ABR: variants seen among roughly 807,000 people sequenced by gnomAD.
ABR encodes the protein ABR activator of RhoGEF and GTPase, also known as active breakpoint cluster region-related protein.
A neutral mutation model predicts 107.2 loss-of-function variants in ABR; 35 were observed. The ratio of observed to expected loss-of-function variants is 0.33; its 90% CI spans 0.25 to 0.43. The LOEUF is 0.43. ABR is among the 20% of genes least tolerant of loss of function. ABR has a pLI of 1.00. For missense variants in ABR, 815 were observed against 1,115.2 expected (o/e 0.73, Z 3.83); for synonymous variants, 498 against 462.0 (o/e 1.08, Z -1.00).
At chr17:1,046,808 C>G (rs1018841673) in intron 16 of ABR, among the ~76,000 whole-genome samples, 6 of 152,168 alleles carry the variant, frequency 3.9e-5, no homozygotes, top group Non-Finnish European at 7.3e-5. Context: ...CCTCAGTACC[C>G]CAGTGTCCTC....
In ABR at chr17:1,010,114, T is replaced by G; in HGVS notation, c.2237-330A>C. ...GTCTGTGTGGCTAAGGTTAAGCCAG[T>G]AGGGACATATCCTGCCAGCGGTGGA... On this transcript the variant is annotated intron_variant, in intron 20 of 22. Coordinates refer to ENST00000302538, the MANE Select transcript of ABR (RefSeq NM_021962.5). This position sits in a 1 kb window ranked among gnomAD's most constrained non-coding sequence, Gnocchi z 4.1. 1 of 395,000 alleles carries G rather than the reference T, an allele frequency of 2.5e-6. No homozygotes were observed. The highest frequency in any genetic ancestry group is 4.7e-6 in the Non-Finnish European group (1 of 212,826). 24.5% of individuals were successfully genotyped at this position (395,000 alleles called of 1,614,324 possible).
intron 16 of ABR, among the ~76,000 whole-genome samples, chr17:1,016,491 T>C (rs1253312176): frequency 3.3e-5 from 5 of 151,894 alleles, no homozygotes; most frequent in African/African-American, 9.7e-5. Flanking sequence ...TAATTTTTTA[T>C]TTGTAGTGGA....
chr17:1,039,002 A>G (rs943356579), intron 16 of ABR, among the ~76,000 whole-genome samples: 1 of 152,146 alleles, frequency 6.6e-6, no homozygotes, highest in Admixed American at 6.5e-5. Context: ...CGGACCCGAG[A>G]GGACACTCTC....
intron 2 of ABR, chr17:1,108,863 C>T (rs1332018382): frequency 2.0e-6 from 3 of 1,480,320 alleles, no homozygotes; most frequent in Non-Finnish European, 2.7e-6. Context: ...CCGCATCAGC[C>T]ATTTCTCCCG....
chr17:1,083,440 C>A, intron 5 of ABR, 80 bp downstream of exon 5: 2 of 982,992 alleles, frequency 2.0e-6, no homozygotes, highest in Non-Finnish European at 3.1e-6. Context: ...GACTGGCAAG[C>A]GAGGGAGGGG....
At chr17:1,076,992 C>T (rs1175058479) in intron 6 of ABR, among the ~76,000 whole-genome samples, 1 of 152,224 alleles carries the variant, frequency 6.6e-6, no homozygotes, top group Non-Finnish European at 1.5e-5. Flanking sequence ...GGTACTCGCT[C>T]TGTGCCCAAG....
intron 1 of ABR, among the ~76,000 whole-genome samples, chr17:1,168,129 A>T (rs952920288): frequency 1.3e-5 from 2 of 152,008 alleles, no homozygotes; most frequent in African/African-American, 2.4e-5. Flanking sequence ...TCTACTAAAA[A>T]TACAAAATTA....
At chr17:1,087,582 T>C (rs2036693134) in intron 4 of ABR, among the ~76,000 whole-genome samples, 1 of 151,754 alleles carries the variant, frequency 6.6e-6, no homozygotes, top group Non-Finnish European at 1.5e-5. Context: ...GGGCCTGACC[T>C]TAAAAGGGGG....
At chr17:1,093,039 T>G (rs2037142794) in intron 3 of ABR, among the ~76,000 whole-genome samples, 1 of 151,750 alleles carries the variant, frequency 6.6e-6, no homozygotes, top group African/African-American at 2.4e-5. Flanking sequence ...GCCAGGATGG[T>G]CTTGATCTCC....
intron 16 of ABR, among the ~76,000 whole-genome samples, chr17:1,025,018 G>C (rs1010444852): frequency 6.9e-6 from 1 of 145,716 alleles, no homozygotes; most frequent in African/African-American, 2.5e-5. Context: ...CTACTCGGGA[G>C]GCTGAGGCAG....
chr17:1,068,991 C>T (rs746659440), intron 9 of ABR, among the ~76,000 whole-genome samples: 1 of 152,198 alleles, frequency 6.6e-6, no homozygotes, highest in African/African-American at 2.4e-5. Context: ...ATTCACAGCA[C>T]TGCAGTTAGC....
At position 1,100,734 on chromosome 17, in the gene ABR, A is replaced by G; in HGVS notation, c.248T>C (p.Val83Ala). The G allele has an allele frequency of 6.2e-7, 1 of 1,613,904 alleles. No homozygotes were observed. The highest frequency in any genetic ancestry group is 8.5e-7 in the Non-Finnish European group (1 of 1,179,960). Residue 83 changes from valine to alanine, a missense_variant and splice_region_variant, in exon 3 of 23, where the codon GTG becomes GCG. Transcript: ENST00000302538. Reference protein sequence around the residue: ...PTPPEGLAPGVEAGKGLEMRK... With the variant: ...PTPPEGLAPGAEAGKGLEMRK... Reference sequence around the variant, plus strand: ...CATCTCCAGGCCTTTCCCTGCTTCCACCTGCACAAACGCAAAGCACAGCCA... The same window carrying G: ...CATCTCCAGGCCTTTCCCTGCTTCCGCCTGCACAAACGCAAAGCACAGCCA...
At chr17:1,126,943 A>C (rs2039629465) in intron 1 of ABR, among the ~76,000 whole-genome samples, 1 of 152,126 alleles carries the variant, frequency 6.6e-6, no homozygotes, top group African/African-American at 2.4e-5. Context: ...CCAGCCAGCC[A>C]AGTTCTCCAC....
upstream of ABR, among the ~76,000 whole-genome samples, chr17:1,191,272 C>T (rs1222819041): frequency 5.3e-5 from 8 of 152,130 alleles, 1 homozygote; most frequent in Admixed American, 2.6e-4. Flanking sequence ...GCCAGCCTCC[C>T]GCCAAGCTTC....
chr17:1,086,138 C>A (rs1211049917), intron 4 of ABR, among the ~76,000 whole-genome samples: 1 of 152,202 alleles, frequency 6.6e-6, no homozygotes, highest in Non-Finnish European at 1.5e-5. Context: ...AAGAGCAAGA[C>A]CCCGTCTCAA....
At chr17:1,020,847 C>T (rs2071567128) in intron 16 of ABR, among the ~76,000 whole-genome samples, 1 of 152,092 alleles carries the variant, frequency 6.6e-6, no homozygotes, top group African/African-American at 2.4e-5. Context: ...GGCAGGTGAC[C>T]CCATTTCTCC....
chr17:1,042,164 G>A (rs985802317), intron 16 of ABR, among the ~76,000 whole-genome samples: 2 of 145,734 alleles, frequency 1.4e-5, no homozygotes, highest in East Asian at 2.0e-4. Context: ...AAATGTGCAC[G>A]GATGGACGGA....
intron 16 of ABR, among the ~76,000 whole-genome samples, chr17:1,038,152 C>T (rs961940801): frequency 4.6e-5 from 7 of 152,148 alleles, no homozygotes; most frequent in African/African-American, 1.2e-4. Context: ...CGTCCCTCCC[C>T]GGAATTCCCA....
At position 1,037,542 on chromosome 17, in the gene ABR, G is replaced by A. The variant is rs1385359703; in HGVS notation, c.1791+12508C>T. Among the ~76,000 whole-genome samples, 3 of 152,232 alleles carry A rather than the reference G, an allele frequency of 2.0e-5. No homozygotes were observed. Among genetic ancestry groups the A allele is most frequent in the African/African-American group, 7.2e-5 (3 of 41,470 alleles). The stretch of plus-strand genomic sequence containing the variant: ...GGAAAAGGGTGAAAAATGCACTTGA[G>A]CCTTTGGGAACATCTTGCTTATCTA... On this transcript the variant is annotated intron_variant, in intron 16 of 22. Transcript: ENST00000302538. This position sits in a 1 kb window ranked among gnomAD's most constrained non-coding sequence, Gnocchi z 4.6.
Sources: gnomAD v4.1 joint callset for allele counts (sites outside exome capture counted in the v4.1 genomes callset) on GRCh38, gnomAD v4.1.1 for gene constraint, Gnocchi (gnomAD v3.1) non-coding constraint, MANE v1.5 for transcripts, NCBI Gene and HGNC (gene_info 2026-07-23, HGNC 2026-07-21) for gene names.